Variants in ENTPD1 observed in about 807,000 individuals in gnomAD.
ENTPD1 encodes ectonucleoside triphosphate diphosphohydrolase 1.
In ENTPD1, 33 loss-of-function variants were observed where a neutral mutation model predicts 57.0. The observed-to-expected ratio is 0.58, with a 90% CI of 0.44 to 0.77. The LOEUF (loss-of-function observed/expected upper bound fraction) is 0.77. ENTPD1 is among the 30% of genes least tolerant of loss of function. ENTPD1 has a pLI of 0.00. For missense variants in ENTPD1, 501 were observed against 603.4 expected, an observed-to-expected ratio of 0.83 and a Z score of 1.78; for synonymous variants, 202 against 218.8, an observed-to-expected ratio of 0.92 and a Z score of 0.68.
At chr10:95,854,399 A>G (rs1386592244) in intron 7 of ENTPD1, among the ~76,000 whole-genome samples, 1 of 152,100 alleles carries the variant, frequency 6.6e-6, no homozygotes, top group East Asian at 1.9e-4. Context: ...GGATTCACTG[A>G]TTTGTTGAAG....
chr10:95,869,516 C>A lies in ENTPD1; in HGVS notation c.*3133C>A. On this transcript the variant is annotated 3_prime_UTR_variant, in exon 10 of 10. Transcript: ENST00000371205. ...CCTATTGCCTCGGGCTCCCAAAGTG[C>A]TGGGATTACAGGAGTGAGCCACCAT... 1.0e-6 allele frequency: 1 copy of A among 980,084 alleles called. No individual in the cohort carries two copies. The highest frequency in any genetic ancestry group is 1.2e-6 in the Non-Finnish European group (1 of 825,302). 60.7% of individuals were successfully genotyped at this position (980,084 alleles called of 1,614,324 possible). A position where few individuals can be genotyped will look rare whatever the true frequency, so the allele number is the denominator to read the frequency against.
chr10:95,869,290 C>A lies in ENTPD1; in HGVS notation c.*2907C>A, dbSNP rs541253597. On this transcript the variant is annotated 3_prime_UTR_variant, in exon 10 of 10. Coordinates refer to ENST00000371205, the MANE Select transcript of ENTPD1 (RefSeq NM_001776.6). Reference sequence around the variant, plus strand: ...TTTGAGAGAGAGTCTCACTCCATTGCCCAGGCTGGAGTGCAGTGGTGCTAT... The same window carrying A: ...TTTGAGAGAGAGTCTCACTCCATTGACCAGGCTGGAGTGCAGTGGTGCTAT... The A allele has an allele frequency of 2.4e-4, 225 of 952,656 alleles. No homozygotes were observed. In the Middle Eastern group the frequency reaches 3.8e-3, roughly 16 times the overall value. The allele number at this position is 952,656 out of a possible 1,614,324, so 59.0% of individuals were successfully genotyped here.
At position 95,845,703 on chromosome 10, in the gene ENTPD1, T is replaced by C. The variant is rs750634454; in HGVS notation, c.813+107T>C. 1.9e-5 allele frequency: 31 copies of C among 1,603,966 alleles called. 1 individual carries two copies. On this transcript the variant is annotated intron_variant, in intron 6 of 9. Transcript: ENST00000371205. ...CAGTAGTTTGTCTGAACTTGGTTATTGTACTTTCCAAACCTTTTTAGGCAG... is the reference window on the plus strand; with the variant it reads ...CAGTAGTTTGTCTGAACTTGGTTATCGTACTTTCCAAACCTTTTTAGGCAG...
chr10:95,843,552 C>T (rs759733668), intron 4 of ENTPD1, among the ~76,000 whole-genome samples: 2 of 152,194 alleles, frequency 1.3e-5, no homozygotes, highest in African/African-American at 2.4e-5. Context: ...GGTCACACAC[C>T]TGGGAAGTGG....
At chr10:95,706,863 A>T (rs377375723), upstream of ENTPD1, among the ~76,000 whole-genome samples, 9 of 152,270 alleles carry the variant, frequency 5.9e-5, no homozygotes, top group East Asian at 1.7e-3. Context: ...TCTGCCCAGC[A>T]ACCTGTCTGC....
intron 1 of ENTPD1, among the ~76,000 whole-genome samples, chr10:95,762,347 A>G (rs1266258096): frequency 1.3e-5 from 2 of 152,098 alleles, no homozygotes; most frequent in East Asian, 3.9e-4. Flanking sequence ...ACAGTAGGGA[A>G]GAAAAACAAT....
the ENTPD1 span, among the ~76,000 whole-genome samples, chr10:95,695,039 G>C: frequency 6.6e-6 from 1 of 151,220 alleles, no homozygotes; most frequent in Non-Finnish European, 1.5e-5. Flanking sequence ...TAGCTGGGAT[G>C]ACAGGCACGC....
intron 1 of ENTPD1, among the ~76,000 whole-genome samples, chr10:95,808,661 C>A (rs772681919): frequency 5.9e-5 from 9 of 151,352 alleles, no homozygotes; most frequent in Non-Finnish European, 8.8e-5. Flanking sequence ...AGTCCACATG[C>A]CAAGGCACCT....
In ENTPD1 at chr10:95,875,308, T is replaced by C. The variant is rs2098484591; in HGVS notation, c.*8925T>C. On this transcript the variant is annotated 3_prime_UTR_variant, in exon 10 of 10. Transcript: ENST00000371205. ...CACCAGATACCCTAAGTCATCTCTC[T>C]CAAGCTCTAAGTTCCACAAATCTCT... The C allele has an allele frequency of 1.3e-5, 2 of 152,312 alleles. No individual in the cohort carries two copies. The highest frequency in any genetic ancestry group is 2.1e-4 in the South Asian group (1 of 4,832). 9.4% of individuals were successfully genotyped at this position (152,312 alleles called of 1,614,324 possible). A position where few individuals can be genotyped will look rare whatever the true frequency, so the allele number is the denominator to read the frequency against.
At chr10:95,762,259 G>A (rs1052072358) in intron 1 of ENTPD1, among the ~76,000 whole-genome samples, 7 of 150,118 alleles carry the variant, frequency 4.7e-5, no homozygotes, top group Non-Finnish European at 7.4e-5. Flanking sequence ...TAGGAAGGAT[G>A]TAAAGCATTG....
intron 1 of ENTPD1, among the ~76,000 whole-genome samples, chr10:95,764,227 A>C (rs765651038): frequency 2.6e-5 from 4 of 152,212 alleles, no homozygotes; most frequent in Non-Finnish European, 4.4e-5. Flanking sequence ...CAGTTTTGCC[A>C]ATTCTGGACA....
intron 1 of ENTPD1, among the ~76,000 whole-genome samples, chr10:95,731,012 C>T (rs1333696951): frequency 6.6e-6 from 1 of 152,238 alleles, no homozygotes; most frequent in East Asian, 1.9e-4. Flanking sequence ...GAATTCAAGT[C>T]TCCTCTTATT....
intron 1 of ENTPD1, among the ~76,000 whole-genome samples, chr10:95,748,257 T>C (rs1336203929): frequency 6.6e-6 from 1 of 152,240 alleles, no homozygotes; most frequent in Non-Finnish European, 1.5e-5. Context: ...GCATTATTTT[T>C]AACTACCCAA....
intron 1 of ENTPD1, among the ~76,000 whole-genome samples, chr10:95,797,922 C>T (rs1387492888): frequency 6.6e-6 from 1 of 152,094 alleles, no homozygotes; most frequent in African/African-American, 2.4e-5. Flanking sequence ...GGGAGTTATC[C>T]TCATAGAGAT....
intron 8 of ENTPD1, among the ~76,000 whole-genome samples, chr10:95,862,410 A>G (rs751503441): frequency 6.7e-4 from 102 of 152,234 alleles, no homozygotes; most frequent in Non-Finnish European, 1.2e-3. Flanking sequence ...GTGTTTGGGA[A>G]TGTTCCTCCT....
chr10:95,796,111 T>C lies in ENTPD1; in HGVS notation c.17-27126T>C, dbSNP rs567588037. Among the ~76,000 whole-genome samples, 8 of 152,324 alleles carry C rather than the reference T, an allele frequency of 5.3e-5. No homozygotes were observed. The East Asian group carries it at 1.3e-3, about 26-fold the overall frequency. On this transcript the variant is annotated intron_variant, in intron 1 of 9. Coordinates refer to ENST00000371205, the MANE Select transcript of ENTPD1 (RefSeq NM_001776.6). Reference sequence around the variant, plus strand: ...TAGTCAAATATATACCTCCACTTTTTTGATGGAAAACGTTGTGTACTAAAA... The same window carrying C: ...TAGTCAAATATATACCTCCACTTTTCTGATGGAAAACGTTGTGTACTAAAA...
chr10:95,758,433 T>A (rs1407900266), intron 1 of ENTPD1, among the ~76,000 whole-genome samples: 1 of 152,198 alleles, frequency 6.6e-6, no homozygotes, highest in African/African-American at 2.4e-5. Flanking sequence ...ATATTAACAT[T>A]TGCTATCACT....
upstream of ENTPD1, chr10:95,755,695 G>A (rs962210462): frequency 2.6e-6 from 4 of 1,537,102 alleles, no homozygotes; most frequent in African/African-American, 4.1e-5. Context: ...AGGATTGCTG[G>A]TCATGGGACC....
rs1463952119 is a variant in ENTPD1 at position 95,828,706 on chromosome 10, C to T, written c.144+5342C>T. Among the ~76,000 whole-genome samples the T allele has an allele frequency of 2.9e-5, 4 of 139,848 alleles. No individual in the cohort carries two copies. In the Admixed American group the frequency reaches 3.3e-4, roughly 12 times the overall value. 91.7% of individuals were successfully genotyped at this position (139,848 alleles called of 152,430 possible). ...ATACTGTGAAGAATAGAAGGTTATC[C>T]CCATTTTTTTTTTTTTTTTTTGAGA... is the stretch of plus-strand genomic sequence containing the variant. On this transcript the variant is annotated intron_variant, in intron 2 of 9. Transcript: ENST00000371205.
Sources: gnomAD v4.1 joint callset for allele counts (sites outside exome capture counted in the v4.1 genomes callset) on GRCh38, gnomAD v4.1.1 for gene constraint, MANE v1.5 for transcripts, NCBI Gene and HGNC (gene_info 2026-07-23, HGNC 2026-07-21) for gene names.